The following RGS7 variants were observed in gnomAD, a reference collection of about 807,000 sequenced individuals.
The protein encoded by RGS7 is regulator of G-protein signaling 7.
RGS7 carries 27 observed loss-of-function variants against 81.1 expected under a neutral mutation model. The observed-to-expected ratio is 0.33, with a 90% CI of 0.25 to 0.46. The LOEUF is 0.46. Among genes scored for constraint, RGS7 ranks in the 20% least tolerant of loss-of-function variants. The pLI, the probability that RGS7 is intolerant of heterozygous loss-of-function variation, is 1.00. For synonymous variants in RGS7, 208 were observed against 207.7 expected, an observed-to-expected ratio of 1.00 and a Z score of -0.01; for missense variants, 396 against 607.4, an observed-to-expected ratio of 0.65 and a Z score of 3.66.
Position 241,298,825 on chromosome 1 carries a change from C to A in RGS7, c.78+56874G>T, listed in dbSNP as rs58878194. Among the ~76,000 whole-genome samples, 186 of 152,340 alleles carry A rather than the reference C, an allele frequency of 1.2e-3. 2 individuals carry two copies. Among genetic ancestry groups the A allele is most frequent in the African/African-American group, 4.4e-3 (181 of 41,578 alleles). ...TGGCAATATCAGTAAAGTCAACGCT[C>A]TTCCAGCATCTCCTGGACTAAGATC... On this transcript the variant is annotated intron_variant, in intron 2 of 18. Transcript: ENST00000440928.
chr1:241,148,389 A>G (rs1469891777), intron 2 of RGS7, among the ~76,000 whole-genome samples: 1 of 152,150 alleles, frequency 6.6e-6, no homozygotes, highest in Non-Finnish European at 1.5e-5. Context: ...ATAGCCAGAC[A>G]GTAATGAATT....
At chr1:241,109,254 G>A (rs1572726446) in intron 2 of RGS7, among the ~76,000 whole-genome samples, 1 of 152,032 alleles carries the variant, frequency 6.6e-6, no homozygotes, top group South Asian at 2.1e-4. Context: ...TGCCAGCTGC[G>A]CCCTTCCCTT....
At chr1:241,322,844 A>G (rs546171587) in intron 2 of RGS7, among the ~76,000 whole-genome samples, 2 of 152,352 alleles carry the variant, frequency 1.3e-5, no homozygotes, top group African/African-American at 4.8e-5. Context: ...AACAAAATGT[A>G]AAATACAGGT....
chr1:241,127,191 T>G (rs898807480), intron 2 of RGS7, among the ~76,000 whole-genome samples: 1 of 152,138 alleles, frequency 6.6e-6, no homozygotes, highest in African/African-American at 2.4e-5. Flanking sequence ...AGTCTTGAAG[T>G]AGAAATAGGA....
intron 14 of RGS7, among the ~76,000 whole-genome samples, chr1:240,808,549 A>T (rs986773327): frequency 6.6e-6 from 1 of 152,214 alleles, no homozygotes; most frequent in African/African-American, 2.4e-5. Context: ...GCATATGAAG[A>T]TTAAGTTGCT....
chr1:240,865,336 A>AG, intron 9 of RGS7, among the ~76,000 whole-genome samples: 1 of 152,308 alleles, frequency 6.6e-6, no homozygotes, highest in African/African-American at 2.4e-5. Context: ...TCTCTTAGAT[A>AG]TGGACATCTT....
rs755993570 is a variant in RGS7, at chr1:240,776,191, C to G, written c.*29G>C. 1 of 1,611,956 alleles carries G rather than the reference C, an allele frequency of 6.2e-7. No homozygotes were observed. The highest frequency in any genetic ancestry group is 8.5e-7 in the Non-Finnish European group (1 of 1,178,088). On this transcript the variant is annotated 3_prime_UTR_variant, in exon 19 of 19. Transcript: ENST00000440928. ...GTAAGACTGAGCAAGGCTTGTTAAC[C>G]TCTTGGACGTGAGAGATTTCCCCTG... is the stretch of plus-strand genomic sequence containing the variant.
chr1:240,941,549 C>A (rs908200923), intron 4 of RGS7, among the ~76,000 whole-genome samples: 3 of 152,056 alleles, frequency 2.0e-5, no homozygotes, highest in African/African-American at 7.2e-5. Flanking sequence ...AAACCTAACA[C>A]TGCATAGAAA....
rs573810634 is a variant in RGS7 at position 240,895,533 on chromosome 1, C to T, written c.386-25414G>A. On this transcript the variant is annotated intron_variant, in intron 6 of 18. Transcript: ENST00000440928. Reference sequence around the variant, plus strand: ...ATTCCCACCTATGAGTGAGAACATGCGGTGCTTGGTTTTCTGTCCTTGCCA... The same window carrying T: ...ATTCCCACCTATGAGTGAGAACATGTGGTGCTTGGTTTTCTGTCCTTGCCA... Among the ~76,000 whole-genome samples, 45 of 152,096 alleles carry T rather than the reference C, an allele frequency of 3.0e-4. 1 individual carries two copies. Among genetic ancestry groups the T allele is most frequent in the Admixed American group, 1.5e-3 (23 of 15,278 alleles).
At chr1:241,096,585 C>T (rs564546933) in intron 3 of RGS7, among the ~76,000 whole-genome samples, 4 of 152,300 alleles carry the variant, frequency 2.6e-5, no homozygotes, top group East Asian at 1.9e-4. Flanking sequence ...TGTTATTTTA[C>T]AGCAGTGAAC....
At chr1:240,830,597 A>G (rs773145869) in intron 9 of RGS7, among the ~76,000 whole-genome samples, 13 of 152,214 alleles carry the variant, frequency 8.5e-5, no homozygotes, top group Non-Finnish European at 1.5e-4. Flanking sequence ...TAAACCAACT[A>G]TTTCAATTAT....
At chr1:241,096,006 T>C (rs185609615) in intron 3 of RGS7, among the ~76,000 whole-genome samples, 3 of 152,322 alleles carry the variant, frequency 2.0e-5, no homozygotes, top group Admixed American at 1.3e-4. Flanking sequence ...TTTACAACAT[T>C]TGCGATCCTT....
At chr1:240,808,908 T>TTTC (rs5782162) in intron 14 of RGS7, among the ~76,000 whole-genome samples, 107,503 of 151,342 alleles carry the variant, frequency 0.71, 38,689 homozygotes, top group Non-Finnish European at 0.78. Flanking sequence ...ATATCCTTTA[T>TTTC]ATAGGTGGAA....
chr1:240,782,818 T>C (rs1212761020), intron 18 of RGS7, among the ~76,000 whole-genome samples: 3 of 152,282 alleles, frequency 2.0e-5, no homozygotes, highest in East Asian at 1.9e-4. Flanking sequence ...AAAAACGAAA[T>C]TGCTTACAAT....
intron 2 of RGS7, among the ~76,000 whole-genome samples, chr1:241,226,713 C>T (rs1016756916): frequency 7.2e-5 from 11 of 152,150 alleles, no homozygotes; most frequent in African/African-American, 1.4e-4. Flanking sequence ...CAGGTGACAC[C>T]GAGCTGAACA....
chr1:241,326,814 G>A (rs953081684), intron 2 of RGS7, among the ~76,000 whole-genome samples: 5 of 150,196 alleles, frequency 3.3e-5, no homozygotes, highest in Non-Finnish European at 7.4e-5. Context: ...GGAGCCTGAC[G>A]TGAGAGGATC....
intron 3 of RGS7, among the ~76,000 whole-genome samples, chr1:241,091,291 G>A (rs1168071897): frequency 6.6e-6 from 1 of 152,168 alleles, no homozygotes; most frequent in African/African-American, 2.4e-5. Context: ...GCTCACGCCT[G>A]TAATCTTAAC....
At chr1:241,021,928 G>C (rs2059557004) in intron 3 of RGS7, among the ~76,000 whole-genome samples, 1 of 152,076 alleles carries the variant, frequency 6.6e-6, no homozygotes, top group African/African-American at 2.4e-5. Context: ...TTGAACACCT[G>C]GCCCATCTAA....
chr1:241,216,288 A>G (rs1245263635), intron 2 of RGS7, among the ~76,000 whole-genome samples: 1 of 152,142 alleles, frequency 6.6e-6, no homozygotes, highest in East Asian at 1.9e-4. Flanking sequence ...AAATAAATAA[A>G]TAAAATAAAA....
Sources: allele counts gnomAD v4.1 joint callset (sites outside exome capture counted in the v4.1 genomes callset), GRCh38; gene constraint gnomAD v4.1.1; transcripts MANE v1.5; gene names NCBI Gene and HGNC (gene_info 2026-07-23, HGNC 2026-07-21).